DNAH10: variants seen among roughly 807,000 people sequenced by gnomAD.
The protein encoded by DNAH10 is axonemal beta dynein heavy chain 10.
Under a neutral mutation model 506.6 loss-of-function variants are expected in DNAH10, and 348 were observed. The observed-to-expected ratio is 0.69, with a 90% CI of 0.63 to 0.75. The LOEUF is 0.75. Ranked by LOEUF, DNAH10 falls within the 30% of genes least tolerant of loss-of-function variation. The pLI, the probability that DNAH10 is intolerant of heterozygous loss-of-function variation, is 0.00. For synonymous variants in DNAH10, 2,059 were observed against 2,198.6 expected (o/e 0.94, Z 1.78); for missense variants, 5,179 against 5,787.1 (o/e 0.89, Z 3.41).
intron 5 of DNAH10, among the ~76,000 whole-genome samples, chr12:123,778,142 G>T (rs1242795809): frequency 6.6e-6 from 1 of 151,840 alleles, no homozygotes; most frequent in Non-Finnish European, 1.5e-5. Flanking sequence ...GTTTAAGGTT[G>T]CAGTGCATGG....
At chr12:123,871,694 G>A in intron 45 of DNAH10, 92 bp downstream of exon 45, 6 of 1,425,430 alleles carry the variant, frequency 4.2e-6, no homozygotes, top group Non-Finnish European at 5.7e-6. Flanking sequence ...TGATCTCACA[G>A]TTTCCGTGGG....
chr12:123,820,754 T>A lies in DNAH10; in HGVS notation c.4175T>A (p.Leu1392Gln), dbSNP rs1353282932. 6.2e-7 allele frequency: 1 copy of A among 1,613,304 alleles called. No homozygotes were observed. The highest frequency in any genetic ancestry group is 1.7e-5 in the Admixed American group (1 of 60,012). The part of the protein sequence containing the change: ...LRMIYELYEG[L>Q]KVAKEEWSQT... Reference sequence around the variant, plus strand: ...ATGATTTACGAGCTCTATGAAGGACTAAAGGTGAGCATCTCCCTGAAAGCG... The same window carrying A: ...ATGATTTACGAGCTCTATGAAGGACAAAAGGTGAGCATCTCCCTGAAAGCG... Residue 1392 changes from leucine (L) to glutamine (Q), a missense_variant, in exon 24 of 79, where the codon CTA becomes CAA. Leu to Gln is a moderately radical substitution (Grantham distance 113). Transcript: ENST00000673944.
intron 18 of DNAH10, among the ~76,000 whole-genome samples, chr12:123,805,468 G>A (rs916552322): frequency 1.3e-5 from 2 of 152,196 alleles, no homozygotes; most frequent in African/African-American, 4.8e-5. Context: ...GCCAGCCTCT[G>A]ACACGCCAGA....
chr12:123,853,291 C>A lies in DNAH10; in HGVS notation c.6377C>A (p.Ala2126Asp), dbSNP rs749329962. The part of the protein sequence containing the change: ...KQYHYDFGLR[A>D]LKSVLVMAGE... Reference sequence around the variant, plus strand: ...TATCACTATGATTTTGGACTCAGAGCCCTGAAATCGGTGCTGGTCATGGCT... The same window carrying A: ...TATCACTATGATTTTGGACTCAGAGACCTGAAATCGGTGCTGGTCATGGCT... Residue 2126 changes from alanine (A) to aspartate (D), a missense_variant, in exon 36 of 79, where the codon GCC becomes GAC. Physicochemically the swap from Ala to Asp is moderately radical, Grantham distance 126 (BLOSUM62 -2). Coordinates refer to ENST00000673944, the MANE Select transcript of DNAH10 (RefSeq NM_001372106.1). This position sits in a 1 kb window ranked among gnomAD's most constrained non-coding sequence, Gnocchi z 4.7. 2 of 1,611,972 alleles carry A rather than the reference C, an allele frequency of 1.2e-6. No homozygotes were observed. The highest frequency in any genetic ancestry group is 2.2e-5 in the South Asian group (2 of 90,406).
At position 123,819,130 on chromosome 12, in the gene DNAH10, T is replaced by A; in HGVS notation, c.3898-18T>A. The A allele has an allele frequency of 6.2e-7, 1 of 1,610,232 alleles. No homozygotes were observed. Among genetic ancestry groups the A allele is most frequent in the Non-Finnish European group, 8.5e-7 (1 of 1,177,956 alleles). On this transcript the variant is annotated intron_variant, in intron 22 of 78. Transcript: ENST00000673944. Reference sequence around the variant, plus strand: ...AAAACGTATTTGGGCTAAATTAATGTAACCTCGTTTTTCTCAGCTTACTCG... The same window carrying A: ...AAAACGTATTTGGGCTAAATTAATGAAACCTCGTTTTTCTCAGCTTACTCG...
At chr12:123,860,301 C>T (rs1309914630) in intron 38 of DNAH10, among the ~76,000 whole-genome samples, 2 of 152,238 alleles carry the variant, frequency 1.3e-5, no homozygotes, top group Admixed American at 6.5e-5. Flanking sequence ...GAAAACCAGT[C>T]GACAGTGGCT....
Position 123,865,955 on chromosome 12 carries a change from G to A in DNAH10, c.7049G>A (p.Gly2350Glu). The A allele has an allele frequency of 1.2e-6, 2 of 1,601,516 alleles. No homozygotes were observed. The highest frequency in any genetic ancestry group is 1.8e-5 in the Admixed American group (1 of 56,856). ...TGATTTTCTTTATTTATCCAGGTTGGAGATTTACAGTATGCCTCCCCTGCA... is the reference window on the plus strand; with the variant it reads ...TGATTTTCTTTATTTATCCAGGTTGAAGATTTACAGTATGCCTCCCCTGCA... ...QAHCALLFEV[G>E]DLQYASPATV... The change falls in exon 41 of 79, where the codon GGA becomes GAA. Residue 2350 changes from glycine to glutamate, a missense_variant. Transcript: ENST00000673944.
At position 123,926,313 on chromosome 12, in the gene DNAH10, T is replaced by A. The variant is rs1954940646; in HGVS notation, c.11922-324T>A. ...ACTCAAAACTCAAGATGTGGACCAT[T>A]CAGGACACGCCTGTGGAACCTCAGG... On this transcript the variant is annotated intron_variant, in intron 68 of 78. Transcript: ENST00000673944. The surrounding 1 kb of genome is among the most constrained non-coding windows in gnomAD (Gnocchi z 4.1). 3.2e-6 allele frequency: 1 copy of A among 317,078 alleles called. No homozygotes were observed. The highest frequency in any genetic ancestry group is 2.2e-5 in the African/African-American group (1 of 46,330). 19.6% of individuals were successfully genotyped at this position (317,078 alleles called of 1,614,324 possible). A position where few individuals can be genotyped will look rare whatever the true frequency, so the allele number is the denominator to read the frequency against.
At chr12:123,765,550 CATCTATCTATACTTTATCT>C (rs904810942) in intron 1 of DNAH10, among the ~76,000 whole-genome samples, 3 of 126,536 alleles carry the variant, frequency 2.4e-5, no homozygotes, top group African/African-American at 1.1e-4. Flanking sequence ...CCTTCCTATG[CATCTATCTATACTTTATCT>C]ATCTATCTAT....
In DNAH10 at chr12:123,916,651, T is replaced by C; in HGVS notation, c.10917T>C (p.Asn3639=). Residue 3639 remains asparagine, a synonymous_variant, in exon 63 of 79, where the codon AAT becomes AAC. Transcript: ENST00000673944. This position sits in a 1 kb window ranked among gnomAD's most constrained non-coding sequence, Gnocchi z 4.6. ...ACAAGGAAGTGGACTATGATTCAAA[T>C]TTCAGACTGTACCTGAACACCAAGC... ...LGDKEVDYDS[N]FRLYLNTKLA... is the part of the protein sequence containing the mutation. 6.2e-7 allele frequency: 1 copy of C among 1,613,916 alleles called. No homozygotes were observed. The highest frequency in any genetic ancestry group is 1.1e-5 in the South Asian group (1 of 91,074).
At chr12:123,790,295 A>G (rs913627321) in intron 11 of DNAH10, among the ~76,000 whole-genome samples, 174 bp downstream of exon 11, 4 of 152,234 alleles carry the variant, frequency 2.6e-5, no homozygotes, top group African/African-American at 9.6e-5. Context: ...AAAAATGAAC[A>G]TTCCTCCATC....
At chr12:123,780,235 C>T (rs928686581) in intron 5 of DNAH10, among the ~76,000 whole-genome samples, 11 of 149,620 alleles carry the variant, frequency 7.4e-5, no homozygotes, top group African/African-American at 1.7e-4. Context: ...GGTGCGATCT[C>T]GGCTCCCTGC....
intron 32 of DNAH10, among the ~76,000 whole-genome samples, chr12:123,847,384 A>G (rs1951004080): frequency 6.9e-6 from 1 of 144,996 alleles, no homozygotes; most frequent in Non-Finnish European, 1.6e-5. Context: ...ATTATGAGGT[A>G]TTGACTCATG....
At chr12:123,845,238 A>G (rs1950905659) in intron 30 of DNAH10, among the ~76,000 whole-genome samples, 1 of 152,042 alleles carries the variant, frequency 6.6e-6, no homozygotes, top group Non-Finnish European at 1.5e-5. Flanking sequence ...GCTTCAAGTG[A>G]TCCTCTTCCT....
At chr12:123,861,342 T>C (rs1031697130) in intron 39 of DNAH10, among the ~76,000 whole-genome samples, 172 bp downstream of exon 39, 4 of 152,200 alleles carry the variant, frequency 2.6e-5, no homozygotes, top group Non-Finnish European at 5.9e-5. Flanking sequence ...TTAGTGCTTT[T>C]TATGTGTGAC....
intron 45 of DNAH10, among the ~76,000 whole-genome samples, chr12:123,872,220 C>T (rs1952063313): frequency 6.6e-6 from 1 of 151,916 alleles, no homozygotes; most frequent in Non-Finnish European, 1.5e-5. Context: ...TGTCGGGGGT[C>T]GGATATGTAC....
At chr12:123,893,610 G>T (rs1402794148) in intron 53 of DNAH10, among the ~76,000 whole-genome samples, 174 bp downstream of exon 53, 1 of 152,246 alleles carries the variant, frequency 6.6e-6, no homozygotes, top group East Asian at 1.9e-4. Context: ...CTAGGTGCCA[G>T]TGGGCGTGAG....
In DNAH10 at chr12:123,864,143, CTTTTTTTTTTTTT is replaced by C. The variant is rs770676668; in HGVS notation, c.6909-444_6909-432del. ...TGGCAAAGAACTCAAACTTTTTTTT[CTTTTTTTTTTTTT>C]TTTTTTTGAGACGGGGTCTTGCACT... is the stretch of plus-strand genomic sequence containing the variant. On this transcript the variant is annotated intron_variant, in intron 39 of 78. Transcript: ENST00000673944. Among the ~76,000 whole-genome samples, 47 of 117,170 alleles carry C rather than the reference CTTTTTTTTTTTTT, an allele frequency of 4.0e-4. 1 individual carries two copies. Among genetic ancestry groups the C allele is most frequent in the East Asian group, 1.4e-3 (6 of 4,216 alleles). 76.9% of individuals were successfully genotyped at this position (117,170 alleles called of 152,430 possible).
intron 38 of DNAH10, 61 bp downstream of exon 38, chr12:123,859,329 T>C: frequency 1.5e-6 from 2 of 1,332,836 alleles, no homozygotes; most frequent in Non-Finnish European, 2.0e-6. Flanking sequence ...ATATGTTTGG[T>C]GCCAGTATTA....
Sources: gnomAD v4.1 joint callset for allele counts (sites outside exome capture counted in the v4.1 genomes callset) on GRCh38, gnomAD v4.1.1 for gene constraint, Gnocchi (gnomAD v3.1) non-coding constraint, MANE v1.5 for transcripts, NCBI Gene and HGNC (gene_info 2026-07-23, HGNC 2026-07-21) for gene names.